The following NRXN3 variants were observed in gnomAD, a reference collection of about 807,000 sequenced individuals.
NRXN3 encodes neurexin III.
A neutral mutation model predicts 137.6 loss-of-function variants in NRXN3; 32 were observed. That is an observed-to-expected ratio of 0.23 (90% CI 0.18 to 0.31). The LOEUF (loss-of-function observed/expected upper bound fraction) is 0.31, where lower values mean the gene tolerates loss of function less well. Ranked by LOEUF, NRXN3 falls within the 10% of genes least tolerant of loss-of-function variation. The pLI is 1.00. For missense variants in NRXN3, 1,574 were observed against 2,062.5 expected, an observed-to-expected ratio of 0.76 and a Z score of 4.59; for synonymous variants, 798 against 784.5, an observed-to-expected ratio of 1.02 and a Z score of -0.29.
At chr14:79,284,969 TTTGGCTCCTCTAGA>T (rs2082007615) in intron 15 of NRXN3, among the ~76,000 whole-genome samples, 1 of 152,184 alleles carries the variant, frequency 6.6e-6, no homozygotes, top group African/African-American at 2.4e-5. Context: ...TTTCTCCATC[TTTGGCTCCTCTAGA>T]TGCGTTGTTT....
intron 4 of NRXN3, among the ~76,000 whole-genome samples, chr14:78,329,370 A>T (rs535957093): frequency 3.6e-4 from 55 of 152,236 alleles, no homozygotes; most frequent in Admixed American, 1.1e-3. Flanking sequence ...CAGTGTTTGT[A>T]TATGTCTCTT....
chr14:78,987,970 T>G (rs1045089953), intron 14 of NRXN3, 52 bp from the exon 15 acceptor site: 2 of 1,570,920 alleles, frequency 1.3e-6, no homozygotes, highest in Non-Finnish European at 1.7e-6. Flanking sequence ...ATTTTTAACA[T>G]TTCTTCTCTC....
intron 4 of NRXN3, among the ~76,000 whole-genome samples, chr14:78,498,573 T>A (rs1018514313): frequency 6.6e-6 from 1 of 152,156 alleles, no homozygotes; most frequent in African/African-American, 2.4e-5. Context: ...AATAAATGTT[T>A]GGCTTACAGG....
intron 15 of NRXN3, among the ~76,000 whole-genome samples, chr14:79,035,676 G>A (rs2887887): frequency 0.51 from 77,267 of 151,842 alleles, 22,800 homozygotes; most frequent in East Asian, 0.78. Context: ...TATGATTTCC[G>A]TTTCTACACA....
intron 16 of NRXN3, among the ~76,000 whole-genome samples, chr14:79,642,427 T>C (rs2098437516): frequency 7.4e-6 from 1 of 135,588 alleles, no homozygotes; most frequent in Non-Finnish European, 1.7e-5. Context: ...TGAGATTTTT[T>C]CTCTGTTTCC....
chr14:78,325,210 T>A (rs2079908897), intron 4 of NRXN3, among the ~76,000 whole-genome samples: 1 of 151,980 alleles, frequency 6.6e-6, no homozygotes, highest in South Asian at 2.1e-4. Flanking sequence ...TTCCATAATT[T>A]GAACTGAACG....
At position 79,126,238 on chromosome 14, in the gene NRXN3, C is replaced by G. The variant is rs368396791; in HGVS notation, c.3262+138097C>G. 1.1e-4 allele frequency among the ~76,000 whole-genome samples: 16 copies of G among 151,802 alleles called. No individual in the cohort carries two copies. The East Asian group carries it at 2.5e-3, about 24-fold the overall frequency. ...TGTGCACAATGTGCAGGTTAGTTAC[C>G]TATGTATACATGTGCCGTGCTGGTG... On this transcript the variant is annotated intron_variant, in intron 15 of 20. Coordinates refer to ENST00000335750, the MANE Select transcript of NRXN3 (RefSeq NM_001330195.2).
At chr14:78,244,158 G>A (rs1344871258) in intron 2 of NRXN3, among the ~76,000 whole-genome samples, 1 of 152,164 alleles carries the variant, frequency 6.6e-6, no homozygotes, top group Non-Finnish European at 1.5e-5. Context: ...GGCTAGGCAA[G>A]GTGGCTCACA....
chr14:79,330,400 G>T (rs551538955), intron 15 of NRXN3, among the ~76,000 whole-genome samples: 2 of 152,116 alleles, frequency 1.3e-5, no homozygotes, highest in Non-Finnish European at 2.9e-5. Context: ...TCTTGTGCCC[G>T]GAAGGCTGCA....
intron 4 of NRXN3, among the ~76,000 whole-genome samples, chr14:78,545,438 T>G (rs920452364): frequency 6.6e-5 from 10 of 152,202 alleles, no homozygotes; most frequent in African/African-American, 2.4e-4. Context: ...TTTGTCCATG[T>G]TGGTCCCCTA....
intron 15 of NRXN3, among the ~76,000 whole-genome samples, chr14:79,277,181 A>C (rs1323208607): frequency 6.6e-6 from 1 of 152,124 alleles, no homozygotes; most frequent in East Asian, 1.9e-4. Context: ...AATCTTGGGG[A>C]AAAGCCTTCC....
intron 17 of NRXN3, among the ~76,000 whole-genome samples, chr14:79,688,064 A>G (rs894799568): frequency 6.6e-6 from 1 of 152,096 alleles, no homozygotes; most frequent in Non-Finnish European, 1.5e-5. Context: ...AAGGACTGGT[A>G]AGTGGGACCA....
chr14:78,964,003 A>G (rs549841659), intron 11 of NRXN3, among the ~76,000 whole-genome samples: 16 of 151,980 alleles, frequency 1.1e-4, no homozygotes, highest in Non-Finnish European at 2.1e-4. Flanking sequence ...TCCTAGCCTC[A>G]AGTAATCTTT....
At chr14:79,463,264 T>C (rs1475911334) in intron 15 of NRXN3, among the ~76,000 whole-genome samples, 1 of 152,172 alleles carries the variant, frequency 6.6e-6, no homozygotes, top group African/African-American at 2.4e-5. Flanking sequence ...ACCCACTTAA[T>C]TAGCTTGTTC....
intron 18 of NRXN3, 118 bp downstream of exon 18, chr14:79,692,380 T>G: frequency 1.3e-6 from 1 of 770,176 alleles, no homozygotes; most frequent in Non-Finnish European, 2.1e-6. Flanking sequence ...ACTGTTTTAA[T>G]TTTCATTATA....
chr14:79,483,528 A>G (rs2096627282), intron 16 of NRXN3, among the ~76,000 whole-genome samples: 1 of 152,212 alleles, frequency 6.6e-6, no homozygotes, highest in Non-Finnish European at 1.5e-5. Flanking sequence ...CCTATGGTAT[A>G]AACCCTAACT....
At chr14:79,643,680 T>C (rs2098442444) in intron 16 of NRXN3, among the ~76,000 whole-genome samples, 1 of 135,168 alleles carries the variant, frequency 7.4e-6, no homozygotes, top group South Asian at 2.3e-4. Flanking sequence ...TTCATTTTTC[T>C]TTTAATTACT....
At chr14:79,148,322 A>T (rs1253736360) in intron 15 of NRXN3, among the ~76,000 whole-genome samples, 1 of 152,162 alleles carries the variant, frequency 6.6e-6, no homozygotes, top group Non-Finnish European at 1.5e-5. Context: ...CTAGGGAGGC[A>T]TGCTCCCAGA....
intron 6 of NRXN3, among the ~76,000 whole-genome samples, chr14:78,686,131 A>G (rs143985150): frequency 1.5e-3 from 231 of 152,294 alleles, no homozygotes; most frequent in African/African-American, 5.4e-3. Flanking sequence ...GTAAAACTGC[A>G]TCTGTGTCAT....
Sources: allele counts gnomAD v4.1 joint callset (sites outside exome capture counted in the v4.1 genomes callset), GRCh38; gene constraint gnomAD v4.1.1; transcripts MANE v1.5; gene names NCBI Gene and HGNC (gene_info 2026-07-23, HGNC 2026-07-21).